USP22: variants seen among roughly 807,000 people sequenced by gnomAD.
USP22 encodes the protein ubiquitin carboxyl-terminal hydrolase 22.
A neutral mutation model predicts 68.1 loss-of-function variants in USP22; 22 were observed. The observed-to-expected ratio is 0.32, with a 90% confidence interval of 0.23 to 0.46. USP22 has a LOEUF of 0.46. Ranked by LOEUF, USP22 falls within the 20% of genes least tolerant of loss-of-function variation. The pLI is 1.00. For missense variants in USP22, 433 were observed against 695.8 expected (o/e 0.62, Z 4.25); for synonymous variants, 279 against 274.2 (o/e 1.02, Z -0.17).
chr17:21,017,795 T>C lies in USP22; in HGVS notation c.690+147A>G, dbSNP rs181859666. The C allele has an allele frequency of 2.3e-4, 246 of 1,061,796 alleles. No individual in the cohort carries two copies. In the African/African-American group the frequency reaches 3.3e-3, roughly 14 times the overall value. The allele number at this position is 1,061,796 out of a possible 1,614,324, so 65.8% of individuals were successfully genotyped here. A position where few individuals can be genotyped will look rare whatever the true frequency, so the allele number is the denominator to read the frequency against. On this transcript the variant is annotated intron_variant, in intron 5 of 12. Transcript: ENST00000261497. Reference sequence around the variant, plus strand: ...CTTCCCTTTTTGGAAAACTGTGTTTTCCATAATAGACATGTATATTAAACA... The same window carrying C: ...CTTCCCTTTTTGGAAAACTGTGTTTCCCATAATAGACATGTATATTAAACA...
rs560726481 is a variant in USP22, at chr17:21,017,801, A to G, written c.690+141T>C. The G allele has an allele frequency of 5.4e-5, 59 of 1,094,242 alleles. No homozygotes were observed. In the African/African-American group the frequency reaches 6.4e-4, roughly 12 times the overall value. The allele number at this position is 1,094,242 out of a possible 1,614,324, so 67.8% of individuals were successfully genotyped here. On this transcript the variant is annotated intron_variant, in intron 5 of 12. Coordinates refer to ENST00000261497, the MANE Select transcript of USP22 (RefSeq NM_015276.2). ...TTTTTGGAAAACTGTGTTTTCCATAATAGACATGTATATTAAACATTAACT... is the reference window on the plus strand; with the variant it reads ...TTTTTGGAAAACTGTGTTTTCCATAGTAGACATGTATATTAAACATTAACT...
At chr17:21,014,856 G>A (rs922065799) in intron 6 of USP22, among the ~76,000 whole-genome samples, 2 of 152,336 alleles carry the variant, frequency 1.3e-5, no homozygotes, top group East Asian at 1.9e-4. Context: ...TGACCTGAGC[G>A]CATGGGTTCT....
At position 21,002,713 on chromosome 17, in the gene USP22, T is replaced by A. The variant is rs1037853253; in HGVS notation, c.*318A>T. On this transcript the variant is annotated 3_prime_UTR_variant, in exon 13 of 13. Coordinates refer to ENST00000261497, the MANE Select transcript of USP22 (RefSeq NM_015276.2). ...CTGGGGAACGCCAGGCAGCGGTCACTCTGTGCTGTGAGGCCCCCGTTGCAC... is the reference window on the plus strand; with the variant it reads ...CTGGGGAACGCCAGGCAGCGGTCACACTGTGCTGTGAGGCCCCCGTTGCAC... 7.4e-5 allele frequency: 26 copies of A among 351,350 alleles called. 1 individual carries two copies. Among genetic ancestry groups the A allele is most frequent in the Middle Eastern group, 1.9e-3 (2 of 1,038 alleles). The allele number at this position is 351,350 out of a possible 1,614,324, so 21.8% of individuals were successfully genotyped here.
Position 21,004,942 on chromosome 17 carries a change from G to A in USP22, c.1371C>T (p.Leu457=), listed in dbSNP as rs781514613. ...NGQYQQPTDS[L]NNDNKYSLFA... ...GCACCACTTACTTGTTGTCATTGTTGAGACTGTCCGTGGGCTGCTGGTACT... is the reference window on the plus strand; with the variant it reads ...GCACCACTTACTTGTTGTCATTGTTAAGACTGTCCGTGGGCTGCTGGTACT... The change falls in exon 11 of 13, where the codon CTC becomes CTT. Residue 457 remains leucine, a synonymous_variant. Transcript: ENST00000261497. The A allele has an allele frequency of 1.1e-5, 17 of 1,614,220 alleles. No individual in the cohort carries two copies. The highest frequency in any genetic ancestry group is 1.4e-5 in the Non-Finnish European group (17 of 1,180,046).
intron 1 of USP22, among the ~76,000 whole-genome samples, chr17:21,041,456 G>A (rs546278749): frequency 2.8e-4 from 43 of 152,124 alleles, no homozygotes; most frequent in African/African-American, 8.7e-4. Context: ...AAATTAGCCG[G>A]GCGTGGTAGC....
intron 1 of USP22, among the ~76,000 whole-genome samples, chr17:21,040,329 G>C (rs1972410336): frequency 6.6e-6 from 1 of 152,180 alleles, no homozygotes; most frequent in South Asian, 2.1e-4. Context: ...GGCCACTAGA[G>C]AGTGCTAGAA....
Position 21,030,740 on chromosome 17 carries a change from G to A in USP22, c.172-2066C>T, listed in dbSNP as rs75242346. Among the ~76,000 whole-genome samples, 1,115 of 152,240 alleles carry A rather than the reference G, an allele frequency of 7.3e-3. 13 individuals are homozygous for A. Among genetic ancestry groups the A allele is most frequent in the African/African-American group, 0.025 (1,047 of 41,528 alleles). The stretch of plus-strand genomic sequence containing the variant: ...AATGTAATGAAAGAAAAATAGGCTA[G>A]GAATTTCTAGATGAACCAAATCTAA... On this transcript the variant is annotated intron_variant, in intron 1 of 12. Coordinates refer to ENST00000261497, the MANE Select transcript of USP22 (RefSeq NM_015276.2).
Position 21,030,705 on chromosome 17 carries a change from C to T in USP22, c.172-2031G>A, listed in dbSNP as rs115929454. Among the ~76,000 whole-genome samples the T allele has an allele frequency of 8.6e-3, 1,305 of 152,224 alleles. 24 individuals are homozygous for T. Among genetic ancestry groups the T allele is most frequent in the African/African-American group, 0.029 (1,206 of 41,532 alleles). The stretch of plus-strand genomic sequence containing the variant: ...TGCAAAATGACTGACCTGAGCTCTT[C>T]AAAAACATTAATGTAATGAAAGAAA... On this transcript the variant is annotated intron_variant, in intron 1 of 12. Coordinates refer to ENST00000261497, the MANE Select transcript of USP22 (RefSeq NM_015276.2).
At chr17:21,026,946 C>T (rs1439372076) in intron 2 of USP22, among the ~76,000 whole-genome samples, 1 of 151,948 alleles carries the variant, frequency 6.6e-6, no homozygotes, top group African/African-American at 2.4e-5. Flanking sequence ...GGACTGCAGG[C>T]GTGCGCCACA....
At chr17:21,043,302 C>CCCCCCCCCCCCCCCCCCCCCCCCCCCCG (rs1567596616), upstream of USP22, 1 of 47,548 alleles carries the variant, frequency 2.1e-5, no homozygotes, top group Non-Finnish European at 5.9e-5. Context: ...GTAGGCCACC[C>CCCCCCCCCCCCCCCCCCCCCCCCCCCCG]CCCCCCCCCC....
intron 6 of USP22, among the ~76,000 whole-genome samples, chr17:21,014,714 C>CT (rs1439026111): frequency 2.0e-5 from 3 of 152,156 alleles, no homozygotes; most frequent in African/African-American, 7.2e-5. Context: ...AGCTGTTCAA[C>CT]TCGGTGAACC....
intron 1 of USP22, among the ~76,000 whole-genome samples, chr17:21,038,601 G>C (rs1216187439): frequency 6.6e-6 from 1 of 151,652 alleles, no homozygotes; most frequent in African/African-American, 2.4e-5. Context: ...CCAGGAACTC[G>C]AGGCTGCAGT....
chr17:21,006,964 C>A lies in USP22; in HGVS notation c.1254G>T (p.Leu418=), dbSNP rs774410640. The change falls in exon 10 of 13, where the codon CTG becomes CTT. Residue 418 remains leucine, a synonymous_variant. Transcript: ENST00000261497. ...ACACATACGTGGTGATCTTCCGCCG[C>A]AGCTTGGCTGAGTGTTCAAATCGCT... ...HLKRFEHSAK[L]RRKITTYVSF... is the part of the protein sequence containing the mutation. 22 of 1,606,716 alleles carry A rather than the reference C, an allele frequency of 1.4e-5. No homozygotes were observed. The highest frequency in any genetic ancestry group is 1.6e-4 in the Middle Eastern group (1 of 6,076).
At chr17:21,021,343 C>T (rs1333338857) in intron 2 of USP22, 117 bp from the exon 3 acceptor site, 2 of 686,056 alleles carry the variant, frequency 2.9e-6, no homozygotes, top group East Asian at 2.8e-5. Context: ...ACAGCACCTT[C>T]CTATTCACAA....
At position 21,015,825 on chromosome 17, in the gene USP22, T is replaced by C; in HGVS notation, c.765A>G (p.Leu255=). The C allele has an allele frequency of 1.2e-6, 2 of 1,614,078 alleles. No homozygotes were observed. The highest frequency in any genetic ancestry group is 1.7e-6 in the Non-Finnish European group (2 of 1,180,026). ...LHLVWTHARH[L]AGYEQQDAHE... is the part of the protein sequence containing the mutation. ...GGGCGTCCTGCTGCTCGTAGCCTGCTAGGTGCCTCGCGTGGGTCCACACCA... is the reference window on the plus strand; with the variant it reads ...GGGCGTCCTGCTGCTCGTAGCCTGCCAGGTGCCTCGCGTGGGTCCACACCA... The change falls in exon 6 of 13, where the codon CTA becomes CTG. Residue 255 remains leucine, a synonymous_variant. Coordinates refer to ENST00000261497, the MANE Select transcript of USP22 (RefSeq NM_015276.2).
intron 1 of USP22, among the ~76,000 whole-genome samples, chr17:21,033,690 T>C (rs1316256130): frequency 1.3e-5 from 2 of 152,174 alleles, no homozygotes; most frequent in South Asian, 2.1e-4. Context: ...TTAATTCTTG[T>C]GCATTCTCTT....
intron 12 of USP22, among the ~76,000 whole-genome samples, chr17:21,003,342 C>A (rs188370319): frequency 5.9e-5 from 9 of 152,382 alleles, no homozygotes; most frequent in East Asian, 1.9e-4. Context: ...GCCTCTCCCC[C>A]ACTTGTGACA....
At chr17:21,036,030 C>CAAAAAAAAAAAAAAAAAAAAA (rs35324126) in intron 1 of USP22, among the ~76,000 whole-genome samples, 1 of 59,642 alleles carries the variant, frequency 1.7e-5, no homozygotes, top group African/African-American at 8.9e-5. Flanking sequence ...GACTCCGTCT[C>CAAAAAAAAAAAAAAAAAAAAA]AAAAAAAAAA....
At chr17:21,006,746 G>C in intron 10 of USP22, 150 bp downstream of exon 10, 1 of 503,422 alleles carries the variant, frequency 2.0e-6, no homozygotes, top group Admixed American at 4.0e-5. Context: ...CTCATGATCT[G>C]CCCGCTTCGA....
Sources: allele counts gnomAD v4.1 joint callset (sites outside exome capture counted in the v4.1 genomes callset), GRCh38; gene constraint gnomAD v4.1.1; transcripts MANE v1.5; gene names NCBI Gene and HGNC (gene_info 2026-07-23, HGNC 2026-07-21).